Variants in TMEM178A observed in about 807,000 individuals in gnomAD.
TMEM178A encodes transmembrane protein 178.
A neutral mutation model predicts 29.1 loss-of-function variants in TMEM178A; 12 were observed. The observed-to-expected ratio is 0.41, with a 90% CI of 0.26 to 0.67. The LOEUF is 0.67. Ranked by LOEUF, TMEM178A falls within the 30% of genes least tolerant of loss-of-function variation. The pLI, the probability that TMEM178A is intolerant of heterozygous loss-of-function variation, is 0.29. For missense variants in TMEM178A, 366 were observed against 419.1 expected (o/e 0.87, Z 1.11); for synonymous variants, 210 against 187.2 (o/e 1.12, Z -0.99).
Position 39,717,707 on chromosome 2 carries a change from G to A in TMEM178A, c.*456G>A, listed in dbSNP as rs1450320088. The A allele has an allele frequency of 6.5e-6, 1 of 153,432 alleles. No individual in the cohort carries two copies. The highest frequency in any genetic ancestry group is 2.4e-5 in the African/African-American group (1 of 41,172). The allele number at this position is 153,432 out of a possible 1,614,324, so 9.5% of individuals were successfully genotyped here. A position where few individuals can be genotyped will look rare whatever the true frequency, so the allele number is the denominator to read the frequency against. On this transcript the variant is annotated 3_prime_UTR_variant, in exon 4 of 4. Coordinates refer to ENST00000281961, the MANE Select transcript of TMEM178A (RefSeq NM_152390.3). ...ACTTGTCCTGATGGTGTCTTATTGTGTCAGCACCAAATATTTGTGCATTAT... is the reference window on the plus strand; with the variant it reads ...ACTTGTCCTGATGGTGTCTTATTGTATCAGCACCAAATATTTGTGCATTAT...
intron 3 of TMEM178A, among the ~76,000 whole-genome samples, chr2:39,714,322 G>A (rs1484796395): frequency 6.6e-6 from 1 of 151,938 alleles, no homozygotes; most frequent in East Asian, 1.9e-4. Flanking sequence ...AATAAAACAA[G>A]TCTGCATCAA....
At position 39,717,051 on chromosome 2, in the gene TMEM178A, A is replaced by G; in HGVS notation, c.694A>G (p.Ile232Val). 1 of 1,610,488 alleles carries G rather than the reference A, an allele frequency of 6.2e-7. No individual in the cohort carries two copies. Among genetic ancestry groups the G allele is most frequent in the Non-Finnish European group, 8.5e-7 (1 of 1,179,434 alleles). ...TTCCCTCTGTACTTATGCCGCCAGTATCTCGTATGATTTGAACCGGCTCCC... is the reference window on the plus strand; with the variant it reads ...TTCCCTCTGTACTTATGCCGCCAGTGTCTCGTATGATTTGAACCGGCTCCC... ...TISLCTYAAS[I>V]SYDLNRLPKL... The change falls in exon 4 of 4, where the codon ATC becomes GTC. Residue 232 changes from isoleucine (I) to valine (V), a missense_variant. Ile to Val is a conservative substitution (Grantham distance 29). Around this residue, in one of 2 missense-constraint regions of TMEM178A, gnomAD observed 119 missense variants for 172.2 expected, o/e 0.69. Transcript: ENST00000281961.
chr2:39,722,920 A>G (rs2148125594), downstream of TMEM178A, among the ~76,000 whole-genome samples: 1 of 152,274 alleles, frequency 6.6e-6, no homozygotes, highest in South Asian at 2.1e-4. Flanking sequence ...TCAGGACCTT[A>G]GAGGTAAATT....
At chr2:39,731,669 A>C in the TMEM178A span, among the ~76,000 whole-genome samples, 1 of 152,336 alleles carries the variant, frequency 6.6e-6, no homozygotes, top group African/African-American at 2.4e-5. Flanking sequence ...GTTGGGAATC[A>C]AATTTCAATG....
chr2:39,705,068 A>T (rs958612551), intron 2 of TMEM178A, among the ~76,000 whole-genome samples: 1 of 152,230 alleles, frequency 6.6e-6, no homozygotes, highest in Non-Finnish European at 1.5e-5. Context: ...CAACTTTAAG[A>T]CTTAATCATC....
At chr2:39,723,385 G>T in the TMEM178A span, among the ~76,000 whole-genome samples, 1 of 152,172 alleles carries the variant, frequency 6.6e-6, no homozygotes, top group Admixed American at 6.5e-5. Flanking sequence ...CCATTTGTTA[G>T]TTCTGGACTC....
At chr2:39,667,013 A>C (rs1670195876) in intron 1 of TMEM178A, among the ~76,000 whole-genome samples, 1 of 152,202 alleles carries the variant, frequency 6.6e-6, no homozygotes, top group Admixed American at 6.5e-5. Context: ...ATTAGACTTC[A>C]GAGACCAATC....
At chr2:39,683,717 C>T (rs537297401) in intron 1 of TMEM178A, among the ~76,000 whole-genome samples, 1 of 152,188 alleles carries the variant, frequency 6.6e-6, no homozygotes, top group African/African-American at 2.4e-5. Flanking sequence ...AATCGTGTAC[C>T]ACTTGCATTA....
chr2:39,673,595 A>G (rs1260814750), intron 1 of TMEM178A, among the ~76,000 whole-genome samples: 1 of 152,258 alleles, frequency 6.6e-6, no homozygotes, highest in Non-Finnish European at 1.5e-5. Flanking sequence ...AAATGTAAGT[A>G]GGAAATTCTG....
downstream of TMEM178A, among the ~76,000 whole-genome samples, chr2:39,719,369 G>A (rs1221226307): frequency 6.6e-6 from 1 of 152,174 alleles, no homozygotes; most frequent in South Asian, 2.1e-4. Flanking sequence ...AAAGCCTCGC[G>A]GTAGCAGGAG....
intron 1 of TMEM178A, among the ~76,000 whole-genome samples, chr2:39,671,292 G>T (rs1198363277): frequency 6.6e-6 from 1 of 152,156 alleles, no homozygotes; most frequent in African/African-American, 2.4e-5. Flanking sequence ...AGTCTGCACA[G>T]GACCCACCAA....
At chr2:39,672,956 T>A (rs924561244) in intron 1 of TMEM178A, among the ~76,000 whole-genome samples, 1 of 152,116 alleles carries the variant, frequency 6.6e-6, no homozygotes, top group Non-Finnish European at 1.5e-5. Context: ...GATGGGAACA[T>A]TGAAGGAATT....
At chr2:39,686,383 T>C (rs1371416483) in intron 1 of TMEM178A, among the ~76,000 whole-genome samples, 1 of 152,178 alleles carries the variant, frequency 6.6e-6, no homozygotes, top group Admixed American at 6.5e-5. Context: ...CAGAGAGTTT[T>C]TAAAAATGTC....
chr2:39,720,158 C>T (rs560522154), downstream of TMEM178A, among the ~76,000 whole-genome samples: 1 of 152,172 alleles, frequency 6.6e-6, no homozygotes, highest in African/African-American at 2.4e-5. Flanking sequence ...TTTCATACTT[C>T]ACAACATTCT....
chr2:39,723,445 C>A, the TMEM178A span, among the ~76,000 whole-genome samples: 2 of 152,126 alleles, frequency 1.3e-5, no homozygotes, highest in African/African-American at 2.4e-5. Context: ...AAATAAAGCA[C>A]TTAATTAATT....
intron 1 of TMEM178A, among the ~76,000 whole-genome samples, chr2:39,684,793 G>C (rs1671004276): frequency 6.6e-6 from 1 of 151,902 alleles, no homozygotes; most frequent in Non-Finnish European, 1.5e-5. Flanking sequence ...CAGCAATACT[G>C]AACCTCCTGT....
chr2:39,685,050 A>G (rs1671014855), intron 1 of TMEM178A, among the ~76,000 whole-genome samples: 1 of 152,172 alleles, frequency 6.6e-6, no homozygotes, highest in South Asian at 2.1e-4. Context: ...GGCCACAGTA[A>G]AATGTTTTTT....
chr2:39,714,282 C>A (rs963440956), intron 3 of TMEM178A, among the ~76,000 whole-genome samples: 1 of 151,956 alleles, frequency 6.6e-6, no homozygotes, highest in Non-Finnish European at 1.5e-5. Context: ...CTCTCCACCA[C>A]GCTCAGCTGA....
At chr2:39,680,858 A>G (rs1405949295) in intron 1 of TMEM178A, among the ~76,000 whole-genome samples, 1 of 152,178 alleles carries the variant, frequency 6.6e-6, no homozygotes, top group Non-Finnish European at 1.5e-5. Flanking sequence ...GAAGTCTATA[A>G]TTGTGCTTCA....
Sources: gnomAD v4.1 joint callset for allele counts (sites outside exome capture counted in the v4.1 genomes callset) on GRCh38, gnomAD v4.1.1 for gene constraint, gnomAD v4.1.1 regional missense constraint, MANE v1.5 for transcripts, NCBI Gene and HGNC (gene_info 2026-07-23, HGNC 2026-07-21) for gene names.